Variants in VAV3 observed in about 807,000 individuals in gnomAD.
The protein encoded by VAV3 is vav guanine nucleotide exchange factor 3, also known as guanine nucleotide exchange factor VAV3.
Under a neutral mutation model 131.2 loss-of-function variants are expected in VAV3, and 94 were observed. The observed-to-expected ratio is 0.72, with a 90% CI of 0.61 to 0.85. VAV3 has a LOEUF of 0.85. VAV3 is among the 40% of genes least tolerant of loss of function. The probability of loss-of-function intolerance (pLI) is 0.00; values close to 1 mark genes in which losing one functional copy is unlikely to be tolerated. For synonymous variants in VAV3, 349 were observed against 342.0 expected (o/e 1.02, Z -0.22); for missense variants, 939 against 1,002.7 (o/e 0.94, Z 0.86).
chr1:107,956,355 T>C (rs1271828601), intron 1 of VAV3, among the ~76,000 whole-genome samples: 3 of 152,220 alleles, frequency 2.0e-5, no homozygotes, highest in Non-Finnish European at 2.9e-5. Context: ...AACTTTTTTT[T>C]CCTCAGGACC....
At chr1:107,918,073 TAAAAC>T (rs1672708271) in intron 1 of VAV3, among the ~76,000 whole-genome samples, 1 of 152,168 alleles carries the variant, frequency 6.6e-6, no homozygotes, top group Non-Finnish European at 1.5e-5. Context: ...CAGAAGGAAA[TAAAAC>T]AAAGTTTCTG....
intron 1 of VAV3, among the ~76,000 whole-genome samples, chr1:107,919,667 T>C (rs965375990): frequency 1.3e-5 from 2 of 152,200 alleles, no homozygotes; most frequent in Non-Finnish European, 2.9e-5. Context: ...ATTGTAAGCA[T>C]TATATTTTAT....
intron 19 of VAV3, chr1:107,669,301 T>C (rs1386135836): frequency 2.3e-6 from 3 of 1,286,324 alleles, no homozygotes; most frequent in Non-Finnish European, 3.0e-6. Flanking sequence ...CAAAAAGAGC[T>C]ACCCAGTATT....
intron 2 of VAV3, among the ~76,000 whole-genome samples, chr1:107,820,112 T>C (rs1425199024): frequency 6.6e-6 from 1 of 152,180 alleles, no homozygotes; most frequent in Non-Finnish European, 1.5e-5. Context: ...GCTAGGTATA[T>C]ACCCCAAAGA....
At chr1:107,694,360 G>T (rs368425828) in intron 17 of VAV3, among the ~76,000 whole-genome samples, 1 of 152,082 alleles carries the variant, frequency 6.6e-6, no homozygotes, top group African/African-American at 2.4e-5. Context: ...CAATTGGATC[G>T]ACTGGATCAG....
At chr1:107,721,553 C>T (rs911974875) in intron 15 of VAV3, among the ~76,000 whole-genome samples, 4 of 152,158 alleles carry the variant, frequency 2.6e-5, no homozygotes, top group Non-Finnish European at 4.4e-5. Flanking sequence ...CAGAGAAACA[C>T]ATCAGACACT....
intron 9 of VAV3, among the ~76,000 whole-genome samples, chr1:107,762,692 T>C (rs900623187): frequency 2.6e-5 from 4 of 152,208 alleles, no homozygotes; most frequent in Admixed American, 6.5e-5. Flanking sequence ...CACTATATTA[T>C]GGAAATTAGT....
chr1:107,575,012 C>T (rs1481032262), intron 25 of VAV3, among the ~76,000 whole-genome samples: 1,114 of 20,930 alleles, frequency 0.053, 24 homozygotes, highest in African/African-American at 0.087. Flanking sequence ...CGCGCGCGCG[C>T]GCGCACACGC....
intron 19 of VAV3, among the ~76,000 whole-genome samples, chr1:107,675,248 C>T (rs1313793801): frequency 1.3e-5 from 2 of 152,168 alleles, no homozygotes; most frequent in African/African-American, 4.8e-5. Context: ...TCAATAACCA[C>T]CACTATCATC....
chr1:107,910,279 C>A (rs1001989275), intron 1 of VAV3, among the ~76,000 whole-genome samples: 1 of 152,192 alleles, frequency 6.6e-6, no homozygotes, highest in Non-Finnish European at 1.5e-5. Context: ...AAATAAACAT[C>A]TGCCATGGGT....
chr1:107,659,513 C>T (rs1045421117), intron 19 of VAV3, among the ~76,000 whole-genome samples: 1 of 152,112 alleles, frequency 6.6e-6, no homozygotes, highest in African/African-American at 2.4e-5. Context: ...TTAAAGTATG[C>T]AGAAGCACTG....
rs939115909 is a variant in VAV3 at position 107,770,310 on chromosome 1, C to T, written c.648+326G>A. Among the ~76,000 whole-genome samples the T allele has an allele frequency of 2.6e-5, 4 of 151,922 alleles. No individual in the cohort carries two copies. The East Asian group carries it at 7.7e-4, about 29-fold the overall frequency. On this transcript the variant is annotated intron_variant, in intron 6 of 26. Coordinates refer to ENST00000370056, the MANE Select transcript of VAV3 (RefSeq NM_006113.5). Reference sequence around the variant, plus strand: ...CCCCCCATCACTCTCTATCTTATGCCCCTGCCTTATTTTTCTTCAGAAAAC... The same window carrying T: ...CCCCCCATCACTCTCTATCTTATGCTCCTGCCTTATTTTTCTTCAGAAAAC...
Position 107,765,282 on chromosome 1 carries a change from C to T in VAV3, c.822-107G>A, listed in dbSNP as rs1006647946. On this transcript the variant is annotated intron_variant, in intron 8 of 26. Coordinates refer to ENST00000370056, the MANE Select transcript of VAV3 (RefSeq NM_006113.5). ...CTTTAAAACCATTGTTAGGGATAAC[C>T]AAAATAGCAGTAGAAATTATTTTTA... 43 of 791,612 alleles carry T rather than the reference C, an allele frequency of 5.4e-5. No individual in the cohort carries two copies. The African/African-American group carries it at 7.3e-4, about 14-fold the overall frequency. The allele number at this position is 791,612 out of a possible 1,614,324, so 49.0% of individuals were successfully genotyped here.
At chr1:107,751,041 A>G in intron 13 of VAV3, 76 bp downstream of exon 13, 1 of 1,415,442 alleles carries the variant, frequency 7.1e-7, no homozygotes, top group Non-Finnish European at 9.7e-7. Context: ...TTCACACTGG[A>G]AAAATTGTCT....
rs531597083 is a variant in VAV3 at position 107,812,852 on chromosome 1, G to C, written c.322-33360C>G. ...AAAAACTCTTGATAAGGCCGGGCAC[G>C]GTGGCTCACGCCTGTAATCCCAGCA... On this transcript the variant is annotated intron_variant, in intron 2 of 26. Coordinates refer to ENST00000370056, the MANE Select transcript of VAV3 (RefSeq NM_006113.5). Among the ~76,000 whole-genome samples, 120 of 152,186 alleles carry C rather than the reference G, an allele frequency of 7.9e-4. 1 individual carries two copies. The highest frequency in any genetic ancestry group is 3.4e-3 in the Middle Eastern group (1 of 294).
intron 19 of VAV3, among the ~76,000 whole-genome samples, chr1:107,653,190 G>A (rs1335415689): frequency 6.6e-6 from 1 of 151,592 alleles, no homozygotes; most frequent in Non-Finnish European, 1.5e-5. Context: ...GACTGGCAAA[G>A]TTTCAGAGAA....
intron 20 of VAV3, among the ~76,000 whole-genome samples, chr1:107,640,556 T>C (rs1049282751): frequency 6.6e-6 from 1 of 152,198 alleles, no homozygotes; most frequent in African/African-American, 2.4e-5. Context: ...TTTATTATCC[T>C]GATTATAGTG....
intron 19 of VAV3, among the ~76,000 whole-genome samples, chr1:107,674,067 A>G (rs1658017142): frequency 6.6e-6 from 1 of 152,248 alleles, no homozygotes; most frequent in African/African-American, 2.4e-5. Flanking sequence ...AAAAGCCAAC[A>G]CTGCAAAATA....
intron 2 of VAV3, among the ~76,000 whole-genome samples, chr1:107,874,403 A>T (rs1670391043): frequency 6.6e-6 from 1 of 152,198 alleles, no homozygotes; most frequent in Non-Finnish European, 1.5e-5. Flanking sequence ...AACACTTGTG[A>T]TTCATGTCTT....
Sources: allele counts gnomAD v4.1 joint callset (sites outside exome capture counted in the v4.1 genomes callset), GRCh38; gene constraint gnomAD v4.1.1; transcripts MANE v1.5; gene names NCBI Gene and HGNC (gene_info 2026-07-23, HGNC 2026-07-21).